Variants in RNLS observed in about 807,000 individuals in gnomAD.
RNLS encodes renalase, FAD dependent amine oxidase.
Under a neutral mutation model 39.8 loss-of-function variants are expected in RNLS, and 39 were observed. The observed-to-expected ratio is 0.98, with a 90% CI of 0.76 to 1.28. RNLS has a LOEUF of 1.28. Among genes scored for constraint, RNLS ranks in the 50% most tolerant of loss-of-function variants. The pLI, the probability that RNLS is intolerant of heterozygous loss-of-function variation, is 0.00. For synonymous variants in RNLS, 147 were observed against 150.7 expected, an observed-to-expected ratio of 0.98 and a Z score of 0.18; for missense variants, 410 against 413.3, an observed-to-expected ratio of 0.99 and a Z score of 0.07.
chr10:88,505,033 T>G (rs1845713124), intron 4 of RNLS, among the ~76,000 whole-genome samples: 1 of 152,012 alleles, frequency 6.6e-6, no homozygotes, highest in Non-Finnish European at 1.5e-5. Flanking sequence ...AAATTAAATC[T>G]ATGGTCTGTC....
intron 5 of RNLS, among the ~76,000 whole-genome samples, chr10:88,357,461 A>G (rs894291036): frequency 6.6e-6 from 1 of 152,200 alleles, no homozygotes; most frequent in African/African-American, 2.4e-5. Flanking sequence ...TACTGAGTCT[A>G]TACCCAGCCT....
chr10:88,362,530 G>C (rs1564731302), intron 5 of RNLS, 22 bp downstream of exon 5: 1 of 1,606,820 alleles, frequency 6.2e-7, no homozygotes, highest in Admixed American at 1.7e-5. Context: ...CTGTATTTAA[G>C]GGAAATAATA....
chr10:88,536,612 G>C (rs1046451498), intron 4 of RNLS, among the ~76,000 whole-genome samples: 2 of 152,074 alleles, frequency 1.3e-5, no homozygotes, highest in Admixed American at 6.6e-5. Context: ...CCTGCTCTGC[G>C]TCACACTGGC....
chr10:88,280,455 G>A (rs1309859887), downstream of RNLS, among the ~76,000 whole-genome samples: 2 of 152,130 alleles, frequency 1.3e-5, no homozygotes, highest in East Asian at 1.9e-4. Flanking sequence ...TCATATTTAC[G>A]TAAAGTGATA....
At chr10:88,399,544 C>T (rs549396035) in intron 4 of RNLS, among the ~76,000 whole-genome samples, 5 of 152,010 alleles carry the variant, frequency 3.3e-5, no homozygotes, top group East Asian at 1.9e-4. Flanking sequence ...CACAAGTCCA[C>T]AACTGTATTA....
chr10:88,561,533 T>C (rs1239908056), intron 4 of RNLS, among the ~76,000 whole-genome samples: 1 of 152,156 alleles, frequency 6.6e-6, no homozygotes, highest in East Asian at 1.9e-4. Context: ...GATACCTTTC[T>C]CATATTTTAT....
chr10:88,178,012 G>A, the RNLS span, among the ~76,000 whole-genome samples: 1 of 152,180 alleles, frequency 6.6e-6, no homozygotes, highest in Admixed American at 6.5e-5. Context: ...GCAAGCCATG[G>A]GTGGGCCATT....
Position 88,581,315 on chromosome 10 carries a change from T to TATAC in RNLS, c.367+251_367+252insGTAT, listed in dbSNP as rs1318796903. Among the ~76,000 whole-genome samples, 191 of 147,594 alleles carry TATAC rather than the reference T, an allele frequency of 1.3e-3. 1 individual carries two copies. Among genetic ancestry groups the TATAC allele is most frequent in the African/African-American group, 4.5e-3 (182 of 40,618 alleles). On this transcript the variant is annotated intron_variant, in intron 3 of 6. Coordinates refer to ENST00000331772, the MANE Select transcript of RNLS (RefSeq NM_001031709.3). ...GTGTGTATATATATATATATATATA[T>TATAC]ACATCTATAATATCTATATTATAGA...
intron 5 of RNLS, among the ~76,000 whole-genome samples, chr10:88,339,037 C>T (rs773653700): frequency 6.6e-5 from 10 of 152,226 alleles, no homozygotes; most frequent in Middle Eastern, 3.4e-3. Context: ...GCCGAGCCAC[C>T]GTGTGAGCCA....
chr10:88,179,468 C>T, the RNLS span, among the ~76,000 whole-genome samples: 2 of 152,206 alleles, frequency 1.3e-5, no homozygotes, highest in Admixed American at 6.5e-5. Context: ...AATAGTATTA[C>T]TGTCTCCTTT....
At chr10:88,330,086 T>C (rs975441427) in intron 5 of RNLS, among the ~76,000 whole-genome samples, 1 of 143,580 alleles carries the variant, frequency 7.0e-6, no homozygotes, top group East Asian at 2.0e-4. Context: ...TATATATATA[T>C]ATATAAATAT....
chr10:88,198,233 C>T, the RNLS span, among the ~76,000 whole-genome samples: 1 of 152,150 alleles, frequency 6.6e-6, no homozygotes, highest in Non-Finnish European at 1.5e-5. Flanking sequence ...TCCATACAGC[C>T]ACCAACGTGT....
At chr10:88,506,917 C>G (rs1845828255) in intron 4 of RNLS, among the ~76,000 whole-genome samples, 1 of 152,156 alleles carries the variant, frequency 6.6e-6, no homozygotes, top group African/African-American at 2.4e-5. Context: ...TTACTGAGCT[C>G]TGACAGAATT....
chr10:88,309,373 A>G lies in RNLS; in HGVS notation c.876+5093T>C. On this transcript the variant is annotated intron_variant, in intron 6 of 6. Transcript: ENST00000331772. Reference sequence around the variant, plus strand: ...CCTGACTTTTCAATGCTGAAATTAGACACTATTACTCACCAGAAATTAATC... The same window carrying G: ...CCTGACTTTTCAATGCTGAAATTAGGCACTATTACTCACCAGAAATTAATC... 4 of 1,268,760 alleles carry G rather than the reference A, an allele frequency of 3.2e-6. No homozygotes were observed. The Admixed American group carries it at 7.0e-5, about 22-fold the overall frequency. The allele number at this position is 1,268,760 out of a possible 1,614,324, so 78.6% of individuals were successfully genotyped here. A position where few individuals can be genotyped will look rare whatever the true frequency, so the allele number is the denominator to read the frequency against.
intron 4 of RNLS, among the ~76,000 whole-genome samples, chr10:88,409,805 G>T (rs544098812): frequency 1.3e-5 from 2 of 152,104 alleles, no homozygotes; most frequent in Non-Finnish European, 2.9e-5. Context: ...TTTTTTAAGA[G>T]AAATTGCCTT....
intron 4 of RNLS, among the ~76,000 whole-genome samples, chr10:88,408,950 C>T (rs1395189711): frequency 2.0e-5 from 3 of 152,012 alleles, no homozygotes; most frequent in African/African-American, 7.2e-5. Context: ...GTGTTGAGAA[C>T]AAAACCTTAG....
the RNLS span, among the ~76,000 whole-genome samples, chr10:88,219,170 G>A: frequency 1.9e-4 from 29 of 152,164 alleles, 1 homozygote; most frequent in East Asian, 5.4e-3. Context: ...ATAATTATTT[G>A]TTGAGTAAAT....
At chr10:88,499,369 T>C (rs725684) in intron 4 of RNLS, among the ~76,000 whole-genome samples, 71,193 of 151,854 alleles carry the variant, frequency 0.47, 17,426 homozygotes, top group East Asian at 0.57. Flanking sequence ...AGTCTCAAAA[T>C]TTAGTGAAAA....
At chr10:88,380,780 C>T (rs934695733) in intron 4 of RNLS, among the ~76,000 whole-genome samples, 3 of 152,134 alleles carry the variant, frequency 2.0e-5, no homozygotes, top group Admixed American at 1.3e-4. Context: ...TCTTATTCAT[C>T]ATAAGATCAG....
Sources: gnomAD v4.1 joint callset for allele counts (sites outside exome capture counted in the v4.1 genomes callset) on GRCh38, gnomAD v4.1.1 for gene constraint, MANE v1.5 for transcripts, NCBI Gene and HGNC (gene_info 2026-07-23, HGNC 2026-07-21) for gene names.